The following SASH1 variants were observed in gnomAD, a reference collection of about 807,000 sequenced individuals.
The protein encoded by SASH1 is SAM and SH3 domain containing 1, also known as SAM and SH3 domain-containing protein 1.
SASH1 carries 44 observed loss-of-function variants against 125.2 expected under a neutral mutation model. The observed-to-expected ratio is 0.35, with a 90% CI of 0.28 to 0.45. The LOEUF (loss-of-function observed/expected upper bound fraction) is 0.45, where lower values mean the gene tolerates loss of function less well. SASH1 is among the 20% of genes least tolerant of loss of function. The pLI, the probability that SASH1 is intolerant of heterozygous loss-of-function variation, is 1.00. For synonymous variants in SASH1, 639 were observed against 649.1 expected (o/e 0.98, Z 0.24); for missense variants, 1,426 against 1,614.5 (o/e 0.88, Z 2.00).
intron 1 of SASH1, among the ~76,000 whole-genome samples, chr6:148,289,725 G>A (rs1163203754): frequency 3.3e-5 from 5 of 152,186 alleles, no homozygotes; most frequent in Non-Finnish European, 7.3e-5. Flanking sequence ...AATAGGGGCA[G>A]GGGATGCAGT....
At chr6:148,378,968 A>G (rs531152278) in intron 1 of SASH1, among the ~76,000 whole-genome samples, 1 of 152,178 alleles carries the variant, frequency 6.6e-6, no homozygotes, top group Non-Finnish European at 1.5e-5. Flanking sequence ...TGGTTTTTCT[A>G]GCTGGTGAGG....
the SASH1 span, among the ~76,000 whole-genome samples, chr6:148,255,080 A>G: frequency 2.6e-5 from 4 of 152,190 alleles, no homozygotes; most frequent in African/African-American, 9.7e-5. Flanking sequence ...TTTGAAAAAA[A>G]TGTGCTAAGT....
intron 4 of SASH1, among the ~76,000 whole-genome samples, chr6:148,453,452 A>G (rs1287123082): frequency 2.0e-5 from 3 of 152,186 alleles, no homozygotes; most frequent in South Asian, 4.1e-4. Context: ...TATAATGCAG[A>G]TGGTATTCTA....
intron 1 of SASH1, among the ~76,000 whole-genome samples, chr6:148,320,816 AG>A (rs1780616235): frequency 6.6e-6 from 1 of 152,200 alleles, no homozygotes; most frequent in Non-Finnish European, 1.5e-5. Flanking sequence ...GAGAGCTTCA[AG>A]TCCCTCCAAC....
intron 8 of SASH1, chr6:148,508,895 T>C (rs1489065994): frequency 1.6e-6 from 2 of 1,260,930 alleles, no homozygotes; most frequent in South Asian, 2.5e-5. Flanking sequence ...ACTGAATGCG[T>C]TCAATGGGAA....
At chr6:148,294,172 CA>C (rs1282596203) in intron 1 of SASH1, among the ~76,000 whole-genome samples, 3 of 152,150 alleles carry the variant, frequency 2.0e-5, no homozygotes, top group Non-Finnish European at 4.4e-5. Context: ...GGATTTTGCA[CA>C]AAAAAATTCG....
In SASH1 at chr6:148,464,687, G is replaced by T. The variant is rs544011370; in HGVS notation, c.387-3858G>T. Among the ~76,000 whole-genome samples the T allele has an allele frequency of 2.0e-5, 3 of 152,296 alleles. No homozygotes were observed. In the South Asian group the frequency reaches 6.2e-4, roughly 32 times the overall value. On this transcript the variant is annotated intron_variant, in intron 4 of 19. Transcript: ENST00000367467. The stretch of plus-strand genomic sequence containing the variant: ...ATCATTCTCAAGGAGAAAGGAGATG[G>T]CATTTTGCACTGCTTCTATGCCAGC...
At chr6:148,467,552 T>C (rs1019719436) in intron 4 of SASH1, among the ~76,000 whole-genome samples, 1 of 152,224 alleles carries the variant, frequency 6.6e-6, no homozygotes, top group Non-Finnish European at 1.5e-5. Flanking sequence ...GCAAATTCGA[T>C]GCCCAGACAT....
chr6:148,537,101 T>A (rs1469824300), intron 16 of SASH1, among the ~76,000 whole-genome samples: 1 of 152,196 alleles, frequency 6.6e-6, no homozygotes, highest in Non-Finnish European at 1.5e-5. Flanking sequence ...TGCCTCTAAC[T>A]GATAACATGA....
In SASH1 at chr6:148,391,131, C is replaced by T. The variant is rs766443992; in HGVS notation, c.285+869C>T. On this transcript the variant is annotated intron_variant, in intron 2 of 19. Transcript: ENST00000367467. ...GACACTCTTTTTTTTTTTTTTGAGA[C>T]GGAGTTTCTCTCTTGTCCCCCAGGC... 2.1e-4 allele frequency among the ~76,000 whole-genome samples: 31 copies of T among 146,936 alleles called. 1 individual carries two copies. The highest frequency in any genetic ancestry group is 2.1e-4 in the South Asian group (1 of 4,710).
intron 2 of SASH1, among the ~76,000 whole-genome samples, chr6:148,433,853 A>T (rs1328047505): frequency 6.6e-6 from 1 of 152,014 alleles, no homozygotes; most frequent in Non-Finnish European, 1.5e-5. Flanking sequence ...AGTTTTAAAA[A>T]ATATATGAAT....
intron 16 of SASH1, among the ~76,000 whole-genome samples, chr6:148,537,776 C>CTGTGTGTGTG (rs55644027): frequency 0.018 from 2,316 of 125,580 alleles, 46 homozygotes; most frequent in Non-Finnish European, 0.02. Context: ...TTAGCATATT[C>CTGTGTGTGTG]TGTGTGTGTG....
chr6:148,322,246 G>T (rs141259805), intron 1 of SASH1, among the ~76,000 whole-genome samples: 1,941 of 152,234 alleles, frequency 0.013, 35 homozygotes, highest in African/African-American at 0.044. Flanking sequence ...AGCTACTTGG[G>T]AGGCTGAGGG....
chr6:148,521,272 C>T (rs138301498), intron 10 of SASH1, among the ~76,000 whole-genome samples: 11 of 152,352 alleles, frequency 7.2e-5, no homozygotes, highest in Non-Finnish European at 1.6e-4. Flanking sequence ...TTGATCTGCT[C>T]AGGACAGTTG....
At chr6:148,209,853 G>A in the SASH1 span, among the ~76,000 whole-genome samples, 2 of 152,200 alleles carry the variant, frequency 1.3e-5, no homozygotes, top group South Asian at 4.1e-4. Context: ...ATCACTCTTG[G>A]AGACTGTCTT....
At chr6:148,438,737 A>C (rs1053973396) in intron 2 of SASH1, among the ~76,000 whole-genome samples, 132 of 136,028 alleles carry the variant, frequency 9.7e-4, no homozygotes, top group Non-Finnish European at 1.2e-3. Flanking sequence ...AAAAAAAAAA[A>C]AAAAAAAAAC....
chr6:148,303,748 T>C (rs1445349389), intron 1 of SASH1, among the ~76,000 whole-genome samples: 1 of 151,300 alleles, frequency 6.6e-6, no homozygotes, highest in East Asian at 1.9e-4. Context: ...TGAGCCAAGA[T>C]TGTGCCACAG....
chr6:148,288,315 A>G (rs934695498), intron 1 of SASH1, among the ~76,000 whole-genome samples: 6 of 152,258 alleles, frequency 3.9e-5, no homozygotes, highest in Non-Finnish European at 8.8e-5. Context: ...CTCCTACAGT[A>G]GAGGCATCAC....
intron 2 of SASH1, among the ~76,000 whole-genome samples, chr6:148,395,232 C>T (rs914569579): frequency 2.6e-5 from 4 of 152,122 alleles, no homozygotes; most frequent in Non-Finnish European, 5.9e-5. Context: ...AAATAGTCTA[C>T]AGATAGGATA....
Sources: gnomAD v4.1 joint callset for allele counts (sites outside exome capture counted in the v4.1 genomes callset) on GRCh38, gnomAD v4.1.1 for gene constraint, MANE v1.5 for transcripts, NCBI Gene and HGNC (gene_info 2026-07-23, HGNC 2026-07-21) for gene names.